The following OPRK1 variants were observed in gnomAD, a reference collection of about 807,000 sequenced individuals.
OPRK1 encodes opioid receptor kappa 1, also known as kappa-type opioid receptor.
A neutral mutation model predicts 24.5 loss-of-function variants in OPRK1; 15 were observed. The observed-to-expected ratio is 0.61, with a 90% CI of 0.41 to 0.94. The LOEUF (loss-of-function observed/expected upper bound fraction) is 0.94, where lower values mean the gene tolerates loss of function less well. OPRK1 is among the 40% of genes least tolerant of loss of function. OPRK1 has a pLI of 0.00. For missense variants in OPRK1, 479 were observed against 507.3 expected (o/e 0.94, Z 0.54); for synonymous variants, 205 against 198.0 (o/e 1.04, Z -0.30).
At chr8:53,238,803 G>C in intron 2 of OPRK1, 1 of 662,048 alleles carries the variant, frequency 1.5e-6, no homozygotes, top group South Asian at 6.7e-5. Flanking sequence ...GGTGGCACTT[G>C]AGAAGGGGGA....
chr8:53,236,139 T>G (rs146231800), intron 2 of OPRK1, among the ~76,000 whole-genome samples: 153 of 152,298 alleles, frequency 1.0e-3, no homozygotes, highest in African/African-American at 3.4e-3. Context: ...AATTTCCACA[T>G]GAGAAACAAC....
intron 2 of OPRK1, among the ~76,000 whole-genome samples, chr8:53,246,406 C>T (rs910551080): frequency 3.3e-5 from 5 of 152,152 alleles, no homozygotes; most frequent in African/African-American, 1.2e-4. Context: ...AAGAAGCTTG[C>T]CTACCCATGA....
Position 53,229,325 on chromosome 8 carries a change from T to C in OPRK1, c.1115A>G (p.Asp372Gly). Residue 372 changes from aspartate (D) to glycine (G), a missense_variant, in exon 4 of 4, where the codon GAC (aspartate) becomes GGC (glycine). Coordinates refer to ENST00000265572, the MANE Select transcript of OPRK1 (RefSeq NM_000912.5). ...TACTGGTTTATTCATCCCATCGATG[T>C]CCCTCAGGTAAGCAGGATCCTGAAC... is the stretch of plus-strand genomic sequence containing the variant. ...NTVQDPAYLR[D>G]IDGMNKPV The C allele has an allele frequency of 6.2e-7, 1 of 1,614,046 alleles. No homozygotes were observed. Among genetic ancestry groups the C allele is most frequent in the Non-Finnish European group, 8.5e-7 (1 of 1,179,926 alleles).
intron 2 of OPRK1, among the ~76,000 whole-genome samples, chr8:53,241,098 G>A (rs1164656200): frequency 2.6e-5 from 4 of 152,206 alleles, no homozygotes; most frequent in Non-Finnish European, 5.9e-5. Flanking sequence ...CTGGGGGAAT[G>A]TGAGAATGGA....
intron 3 of OPRK1, among the ~76,000 whole-genome samples, chr8:53,233,143 G>A (rs1400527194): frequency 6.6e-6 from 1 of 152,176 alleles, no homozygotes; most frequent in Non-Finnish European, 1.5e-5. Context: ...GTTTCAGAGG[G>A]AAAAGATCAG....
rs1806709505 is a variant in OPRK1, at chr8:53,227,009, G to A, written c.*2288C>T. 1 of 152,272 alleles carries A rather than the reference G, an allele frequency of 6.6e-6. No homozygotes were observed. The highest frequency in any genetic ancestry group is 6.5e-5 in the Admixed American group (1 of 15,282). 9.4% of individuals were successfully genotyped at this position (152,272 alleles called of 1,614,324 possible). ...GTGGCCATTCACATCTGTAATCCCAGCACTTTGGGAGGCCGAGGCAGGTGA... is the reference window on the plus strand; with the variant it reads ...GTGGCCATTCACATCTGTAATCCCAACACTTTGGGAGGCCGAGGCAGGTGA... On this transcript the variant is annotated 3_prime_UTR_variant, in exon 4 of 4. Coordinates refer to ENST00000265572, the MANE Select transcript of OPRK1 (RefSeq NM_000912.5).
At chr8:53,232,476 T>C (rs981872184) in intron 3 of OPRK1, among the ~76,000 whole-genome samples, 1 of 152,236 alleles carries the variant, frequency 6.6e-6, no homozygotes, top group Non-Finnish European at 1.5e-5. Flanking sequence ...ACACATTGTA[T>C]GCTTGTATCA....
chr8:53,238,027 T>G (rs1027047706), intron 2 of OPRK1, among the ~76,000 whole-genome samples: 1 of 152,182 alleles, frequency 6.6e-6, no homozygotes, highest in Non-Finnish European at 1.5e-5. Flanking sequence ...AACTCTGAAT[T>G]CAATGAATAT....
intron 3 of OPRK1, among the ~76,000 whole-genome samples, chr8:53,230,712 C>T (rs1806829255): frequency 6.6e-6 from 1 of 152,124 alleles, no homozygotes; most frequent in Non-Finnish European, 1.5e-5. Context: ...GTCCCATGGG[C>T]TCACCTTTCC....
intron 3 of OPRK1, among the ~76,000 whole-genome samples, chr8:53,233,110 C>T (rs889207308): frequency 6.6e-6 from 1 of 152,154 alleles, no homozygotes; most frequent in African/African-American, 2.4e-5. Flanking sequence ...CCTGCTATGG[C>T]TATGCTAGAA....
Position 53,228,656 on chromosome 8 carries a change from A to G in OPRK1, c.*641T>C, listed in dbSNP as rs1343653453. On this transcript the variant is annotated 3_prime_UTR_variant, in exon 4 of 4. Coordinates refer to ENST00000265572, the MANE Select transcript of OPRK1 (RefSeq NM_000912.5). ...ACTGTAGTTTTTGGGAAATTAAACC[A>G]TGTTAAAAACAATCTTTTGAACGTT... 1 of 152,270 alleles carries G rather than the reference A, an allele frequency of 6.6e-6. No individual in the cohort carries two copies. The highest frequency in any genetic ancestry group is 1.5e-5 in the Non-Finnish European group (1 of 68,058). The allele number at this position is 152,270 out of a possible 1,614,324, so 9.4% of individuals were successfully genotyped here. A position where few individuals can be genotyped will look rare whatever the true frequency, so the allele number is the denominator to read the frequency against.
intron 2 of OPRK1, among the ~76,000 whole-genome samples, chr8:53,249,273 A>T (rs1316106606): frequency 6.6e-6 from 1 of 152,168 alleles, no homozygotes; most frequent in Non-Finnish European, 1.5e-5. Flanking sequence ...CAATGTTTCT[A>T]TTACCCCACC....
chr8:53,236,358 A>C (rs924148912), intron 2 of OPRK1, among the ~76,000 whole-genome samples: 11 of 152,308 alleles, frequency 7.2e-5, no homozygotes, highest in African/African-American at 2.4e-4. Context: ...CTCCAGCCTC[A>C]GTGTCCACTG....
chr8:53,250,069 CCA>C (rs369426050), intron 2 of OPRK1, among the ~76,000 whole-genome samples: 17,925 of 130,166 alleles, frequency 0.14, 1,274 homozygotes, highest in South Asian at 0.28. Flanking sequence ...GAAGAAATTT[CCA>C]CACACACACA....
intron 3 of OPRK1, among the ~76,000 whole-genome samples, chr8:53,233,081 C>G (rs1806895316): frequency 6.6e-6 from 1 of 152,110 alleles, no homozygotes; most frequent in Non-Finnish European, 1.5e-5. Context: ...TAAAATTTAC[C>G]TAGTAGTATA....
At chr8:53,238,547 A>G in intron 2 of OPRK1, 1 of 985,022 alleles carries the variant, frequency 1.0e-6, no homozygotes, top group Non-Finnish European at 1.2e-6. Context: ...AGCACCGGGA[A>G]GGCTATGGTG....
At chr8:53,243,361 A>T (rs903819470) in intron 2 of OPRK1, among the ~76,000 whole-genome samples, 1 of 152,248 alleles carries the variant, frequency 6.6e-6, no homozygotes, top group Non-Finnish European at 1.5e-5. Context: ...TGTACCAGTG[A>T]GAAGCAAATT....
chr8:53,234,374 T>G (rs1453528941), intron 3 of OPRK1, among the ~76,000 whole-genome samples: 1 of 152,098 alleles, frequency 6.6e-6, no homozygotes, highest in Non-Finnish European at 1.5e-5. Flanking sequence ...AACCAGCATA[T>G]GTCACCAATA....
rs775277541 is a variant in OPRK1, at chr8:53,250,851, TGATGATGACCGG to T, written c.175_186del (p.Pro59_Ile62del). The stretch of plus-strand genomic sequence containing the variant: ...ACGAACACTACGGAGTAGACCGCCG[TGATGATGACCGG>T]GATGGCCGGGGAGATGTGCGCGGGC... On this transcript the variant is annotated inframe_deletion, in exon 2 of 4. Coordinates refer to ENST00000265572, the MANE Select transcript of OPRK1 (RefSeq NM_000912.5). 9.9e-6 allele frequency: 16 copies of T among 1,613,292 alleles called. No homozygotes were observed. Among genetic ancestry groups the T allele is most frequent in the Admixed American group, 1.7e-5 (1 of 59,984 alleles).
Sources: gnomAD v4.1 joint callset for allele counts (sites outside exome capture counted in the v4.1 genomes callset) on GRCh38, gnomAD v4.1.1 for gene constraint, MANE v1.5 for transcripts, NCBI Gene and HGNC (gene_info 2026-07-23, HGNC 2026-07-21) for gene names.